Variants in GRIA2 observed in about 807,000 individuals in gnomAD.
The protein encoded by GRIA2 is glutamate receptor 2.
GRIA2 carries 14 observed loss-of-function variants against 97.3 expected under a neutral mutation model. That is an observed-to-expected ratio of 0.14 (90% CI 0.10 to 0.23). The LOEUF (loss-of-function observed/expected upper bound fraction) is 0.23, where lower values mean the gene tolerates loss of function less well. GRIA2 is among the 10% of genes least tolerant of loss of function. The pLI is 1.00. For synonymous variants in GRIA2, 412 were observed against 387.8 expected (o/e 1.06, Z -0.73); for missense variants, 558 against 1,069.8 (o/e 0.52, Z 6.67).
At chr4:157,238,691 A>G (rs1392909158) in intron 2 of GRIA2, among the ~76,000 whole-genome samples, 1 of 152,016 alleles carries the variant, frequency 6.6e-6, no homozygotes, top group Non-Finnish European at 1.5e-5. Context: ...TTGCATATGT[A>G]TTTTTCACCA....
intron 4 of GRIA2, among the ~76,000 whole-genome samples, chr4:157,313,440 A>G (rs1734172940): frequency 6.6e-6 from 1 of 152,172 alleles, no homozygotes; most frequent in Non-Finnish European, 1.5e-5. Context: ...CTATTTGAGA[A>G]GTAAACTAGA....
At chr4:157,275,623 G>A (rs1732265225) in intron 2 of GRIA2, among the ~76,000 whole-genome samples, 2 of 152,082 alleles carry the variant, frequency 1.3e-5, no homozygotes, top group South Asian at 4.1e-4. Context: ...TATTACATAG[G>A]GAATCCGTTC....
At chr4:157,278,840 T>C (rs1051163043) in intron 2 of GRIA2, among the ~76,000 whole-genome samples, 7 of 102,978 alleles carry the variant, frequency 6.8e-5, no homozygotes, top group African/African-American at 3.0e-4. Context: ...TTGAAGAAGA[T>C]ATACTGAAGA....
intron 6 of GRIA2, among the ~76,000 whole-genome samples, chr4:157,324,511 T>G (rs553545969): frequency 1.3e-5 from 2 of 152,108 alleles, no homozygotes; most frequent in Non-Finnish European, 2.9e-5. Flanking sequence ...AAGGCTTTCA[T>G]GGGAGGGATG....
chr4:157,364,092 G>T lies in GRIA2; in HGVS notation c.*661G>T, dbSNP rs369267716. ...CTGAGTGGGAAGTGAATAAAAAAAGGCTTTAGGTATCGATTCCATATTTTT... is the reference window on the plus strand; with the variant it reads ...CTGAGTGGGAAGTGAATAAAAAAAGTCTTTAGGTATCGATTCCATATTTTT... On this transcript the variant is annotated 3_prime_UTR_variant, in exon 16 of 16. Transcript: ENST00000264426. 2.6e-5 allele frequency: 4 copies of T among 152,476 alleles called. No individual in the cohort carries two copies. Among genetic ancestry groups the T allele is most frequent in the Non-Finnish European group, 4.4e-5 (3 of 67,998 alleles). 9.4% of individuals were successfully genotyped at this position (152,476 alleles called of 1,614,324 possible).
intron 2 of GRIA2, among the ~76,000 whole-genome samples, chr4:157,253,078 AT>A: frequency 6.6e-6 from 1 of 151,326 alleles, no homozygotes; most frequent in Non-Finnish European, 1.5e-5. Context: ...TACTATTATT[AT>A]TTTTTAAATG....
At chr4:157,362,751 T>C (rs371755400) in intron 14 of GRIA2, 48 bp from the exon 15 acceptor site, 8 of 1,534,490 alleles carry the variant, frequency 5.2e-6, no homozygotes, top group Non-Finnish European at 7.1e-6. Flanking sequence ...TTCTCTTCTA[T>C]TCACCAGTTT....
At chr4:157,293,912 T>G (rs1243026577) in intron 2 of GRIA2, among the ~76,000 whole-genome samples, 1 of 152,130 alleles carries the variant, frequency 6.6e-6, no homozygotes, top group Non-Finnish European at 1.5e-5. Flanking sequence ...CTCCAATTCC[T>G]TGGCAATTTA....
At chr4:157,276,916 A>G (rs1732343803) in intron 2 of GRIA2, among the ~76,000 whole-genome samples, 1 of 151,984 alleles carries the variant, frequency 6.6e-6, no homozygotes, top group Admixed American at 6.6e-5. Flanking sequence ...TAAGTCAATA[A>G]TTAATAATTT....
intron 12 of GRIA2, among the ~76,000 whole-genome samples, chr4:157,359,228 A>G (rs1579393283): frequency 6.6e-6 from 1 of 152,232 alleles, no homozygotes; most frequent in East Asian, 1.9e-4. Flanking sequence ...TTTCTTTCAT[A>G]TCTGTCACTG....
At chr4:157,235,037 T>A (rs1332716295) in intron 2 of GRIA2, among the ~76,000 whole-genome samples, 2 of 152,136 alleles carry the variant, frequency 1.3e-5, no homozygotes, top group African/African-American at 2.4e-5. Flanking sequence ...AGCAGCCATA[T>A]GAACTCTTCA....
chr4:157,350,346 A>T (rs1293003836), intron 12 of GRIA2, among the ~76,000 whole-genome samples: 2 of 152,212 alleles, frequency 1.3e-5, no homozygotes, highest in South Asian at 2.1e-4. Flanking sequence ...TGTCCATGTT[A>T]GTCTTACAGT....
chr4:157,362,528 A>T, intron 14 of GRIA2: 1 of 562,740 alleles, frequency 1.8e-6, no homozygotes, highest in Admixed American at 2.2e-5. Flanking sequence ...TGCAACTGAC[A>T]TAGCCAGGGA....
At chr4:157,256,166 T>C (rs1215258480) in intron 2 of GRIA2, among the ~76,000 whole-genome samples, 9 of 138,794 alleles carry the variant, frequency 6.5e-5, no homozygotes. Context: ...TACATATATA[T>C]GTTATATATT....
At chr4:157,253,011 G>C (rs905431265) in intron 2 of GRIA2, among the ~76,000 whole-genome samples, 10 of 151,804 alleles carry the variant, frequency 6.6e-5, no homozygotes, top group Non-Finnish European at 1.3e-4. Context: ...AATTTTGGGG[G>C]GACCATGTAG....
chr4:157,340,482 G>A (rs1167741734), intron 11 of GRIA2, among the ~76,000 whole-genome samples: 1 of 151,832 alleles, frequency 6.6e-6, no homozygotes, highest in African/African-American at 2.4e-5. Context: ...GTAAGAATTT[G>A]TAGTCAGAAA....
In GRIA2 at chr4:157,248,869, T is replaced by A. The variant is rs574559319; in HGVS notation, c.229+27062T>A. On this transcript the variant is annotated intron_variant, in intron 2 of 15. Transcript: ENST00000264426. ...AATATGTTTTTTGAGACAGGGTCAC[T>A]CTCTGTCACCCAGACTGGAGTGCAG... Among the ~76,000 whole-genome samples, 31 of 129,394 alleles carry A rather than the reference T, an allele frequency of 2.4e-4. No homozygotes were observed. In the South Asian group the frequency reaches 7.5e-3, roughly 31 times the overall value. 84.9% of individuals were successfully genotyped at this position (129,394 alleles called of 152,430 possible).
chr4:157,286,501 G>C (rs1732851619), intron 2 of GRIA2, among the ~76,000 whole-genome samples: 1 of 151,286 alleles, frequency 6.6e-6, no homozygotes, highest in Non-Finnish European at 1.5e-5. Context: ...CTTAATAAGA[G>C]CTAGCTTTTA....
At chr4:157,326,563 AG>A (rs769359979) in intron 6 of GRIA2, among the ~76,000 whole-genome samples, 6 of 152,156 alleles carry the variant, frequency 3.9e-5, no homozygotes, top group Non-Finnish European at 7.3e-5. Flanking sequence ...CTAATTCTAG[AG>A]GTAAGAAAAG....
Sources: gnomAD v4.1 joint callset for allele counts (sites outside exome capture counted in the v4.1 genomes callset) on GRCh38, gnomAD v4.1.1 for gene constraint, MANE v1.5 for transcripts, NCBI Gene and HGNC (gene_info 2026-07-23, HGNC 2026-07-21) for gene names.